The following UGGT2 variants were observed in gnomAD, a reference collection of about 807,000 sequenced individuals.
UGGT2 encodes the protein UDP-glucose:glycoprotein glucosyltransferase 2.
A neutral mutation model predicts 192.1 loss-of-function variants in UGGT2; 180 were observed. The ratio of observed to expected loss-of-function variants is 0.94; its 90% confidence interval spans 0.83 to 1.06. The LOEUF is 1.06. Ranked by LOEUF, UGGT2 falls within the 50% of genes least tolerant of loss-of-function variation. The pLI, the probability that UGGT2 is intolerant of heterozygous loss-of-function variation, is 0.00. For synonymous variants in UGGT2, 580 were observed against 591.0 expected, an observed-to-expected ratio of 0.98 and a Z score of 0.27; for missense variants, 1,849 against 1,795.7, an observed-to-expected ratio of 1.03 and a Z score of -0.54.
chr13:96,031,265 C>A (rs2052826171), intron 2 of UGGT2, among the ~76,000 whole-genome samples: 1 of 151,988 alleles, frequency 6.6e-6, no homozygotes, highest in Non-Finnish European at 1.5e-5. Flanking sequence ...TTACTAGATG[C>A]AAAATTATTA....
At chr13:95,816,547 T>C (rs1357475195) in intron 38 of UGGT2, among the ~76,000 whole-genome samples, 2 of 152,206 alleles carry the variant, frequency 1.3e-5, no homozygotes, top group African/African-American at 4.8e-5. Context: ...TACAATGGAA[T>C]AGCATTCAAG....
chr13:96,032,302 AAATTAT>A (rs2052862013), intron 1 of UGGT2, among the ~76,000 whole-genome samples: 1 of 152,116 alleles, frequency 6.6e-6, no homozygotes, highest in Admixed American at 6.5e-5. Context: ...AGAAATACAA[AAATTAT>A]AATTAAGATA....
chr13:95,863,541 T>TA, intron 31 of UGGT2, 88 bp downstream of exon 31: 1 of 1,010,680 alleles, frequency 9.9e-7, no homozygotes, highest in South Asian at 1.3e-5. Context: ...ACCTTTGCCT[T>TA]ACTTAAATTT....
intron 17 of UGGT2, among the ~76,000 whole-genome samples, chr13:95,934,759 T>C (rs140637590): frequency 4.7e-4 from 71 of 152,322 alleles, no homozygotes; most frequent in African/African-American, 1.3e-3. Context: ...TCCTCTTGGA[T>C]TGACCTTCCA....
intron 12 of UGGT2, among the ~76,000 whole-genome samples, chr13:95,952,583 C>G (rs539877296): frequency 2.6e-5 from 4 of 151,638 alleles, no homozygotes; most frequent in Non-Finnish European, 5.9e-5. Context: ...TATTTTCATT[C>G]CATGGTTAGT....
At position 95,937,070 on chromosome 13, in the gene UGGT2, T is replaced by G; in HGVS notation, c.1831A>C (p.Lys611Gln). 6.3e-7 allele frequency: 1 copy of G among 1,597,908 alleles called. No individual in the cohort carries two copies. The highest frequency in any genetic ancestry group is 8.5e-7 in the Non-Finnish European group (1 of 1,176,494). Residue 611 changes from lysine (K) to glutamine (Q), a missense_variant, in exon 17 of 39, where the codon AAG (lysine) becomes CAG (glutamine). Physicochemically the swap from Lys to Gln is moderately conservative, Grantham distance 53. Coordinates refer to ENST00000376747, the MANE Select transcript of UGGT2 (RefSeq NM_020121.4). ...GGCAAAGGACCCAGGCCAGTCATCT[T>G]ATAAAAGCTTGCTCCAGCCTATTCA... ...EERKAGASFY[K>Q]MTGLGPLPQA...
At chr13:95,929,007 AC>A (rs2049146446) in intron 17 of UGGT2, among the ~76,000 whole-genome samples, 1 of 152,186 alleles carries the variant, frequency 6.6e-6, no homozygotes, top group Non-Finnish European at 1.5e-5. Flanking sequence ...AGCCCGGCCA[AC>A]ACAGCGAAAC....
chr13:96,001,609 C>T (rs2139019486), intron 5 of UGGT2, among the ~76,000 whole-genome samples: 1 of 152,278 alleles, frequency 6.6e-6, no homozygotes, highest in South Asian at 2.1e-4. Context: ...TCCCCAGGGG[C>T]ATGTTAGAAC....
Position 95,903,008 on chromosome 13 carries a change from A to C in UGGT2, c.2348T>G (p.Ile783Arg). The C allele has an allele frequency of 6.2e-7, 1 of 1,613,128 alleles. No individual in the cohort carries two copies. Among genetic ancestry groups the C allele is most frequent in the Non-Finnish European group, 8.5e-7 (1 of 1,179,590 alleles). ...AGAAATAGCTGTGTTCTCTTCATTT[A>C]TTTTTGATGTAGGATTATAAATAAT... ...LGIIYNPTSK[I>R]NEENTAISRG... The change falls in exon 21 of 39, where the codon ATA becomes AGA. Residue 783 changes from isoleucine to arginine, a missense_variant. Ile to Arg is a moderately conservative substitution (Grantham distance 97). Transcript: ENST00000376747.
intron 16 of UGGT2, among the ~76,000 whole-genome samples, chr13:95,938,417 T>C (rs571431581): frequency 2.6e-5 from 4 of 152,288 alleles, no homozygotes; most frequent in Non-Finnish European, 1.5e-5. Flanking sequence ...ACAAATACTC[T>C]AGGAAGCCAA....
At chr13:95,990,710 C>G (rs1392162041) in intron 7 of UGGT2, 1 of 152,064 alleles carries the variant, frequency 6.6e-6, no homozygotes, top group Non-Finnish European at 1.5e-5. Context: ...ACTATCAGCA[C>G]AACTTACAAA....
chr13:95,940,418 T>C (rs951007710), intron 15 of UGGT2, among the ~76,000 whole-genome samples: 3 of 151,526 alleles, frequency 2.0e-5, no homozygotes, highest in Admixed American at 6.6e-5. Context: ...AGAAATGCTT[T>C]CATTTTTTAT....
intron 38 of UGGT2, among the ~76,000 whole-genome samples, chr13:95,803,265 A>C (rs1267166985): frequency 2.0e-5 from 3 of 151,664 alleles, no homozygotes; most frequent in African/African-American, 7.3e-5. Flanking sequence ...TGGTTTATTT[A>C]TTTATTTTTT....
intron 22 of UGGT2, among the ~76,000 whole-genome samples, chr13:95,898,734 T>C (rs1425011301): frequency 6.6e-6 from 1 of 152,120 alleles, no homozygotes. Flanking sequence ...TCTCCTGCCA[T>C]GTAGGAACAT....
At chr13:95,884,373 T>TA in intron 27 of UGGT2, 118 bp downstream of exon 27, 1 of 860,260 alleles carries the variant, frequency 1.2e-6, no homozygotes, top group East Asian at 3.1e-5. Flanking sequence ...CCTAGAATCA[T>TA]AAAAAAGAAT....
intron 17 of UGGT2, among the ~76,000 whole-genome samples, chr13:95,929,485 G>C (rs2049167656): frequency 6.6e-6 from 1 of 152,020 alleles, no homozygotes; most frequent in South Asian, 2.1e-4. Context: ...AGTGTCTCTT[G>C]CTGCCATCTT....
chr13:95,862,640 A>G (rs1424959016), intron 31 of UGGT2, among the ~76,000 whole-genome samples: 2 of 152,184 alleles, frequency 1.3e-5, no homozygotes, highest in African/African-American at 4.8e-5. Context: ...AGTTGGACCC[A>G]TGAGTCAGCC....
intron 12 of UGGT2, among the ~76,000 whole-genome samples, chr13:95,964,897 A>C (rs1323505574): frequency 1.3e-5 from 2 of 152,164 alleles, no homozygotes; most frequent in African/African-American, 4.8e-5. Flanking sequence ...CAAATTTACA[A>C]GAAAAAAACG....
At chr13:95,877,417 AAT>A in intron 28 of UGGT2, 53 bp from the exon 29 acceptor site, 6 of 1,405,408 alleles carry the variant, frequency 4.3e-6, no homozygotes, top group Non-Finnish European at 5.9e-6. Flanking sequence ...AAAACCATCG[AAT>A]TGCTCATGAA....
Sources: allele counts gnomAD v4.1 joint callset (sites outside exome capture counted in the v4.1 genomes callset), GRCh38; gene constraint gnomAD v4.1.1; transcripts MANE v1.5; gene names NCBI Gene and HGNC (gene_info 2026-07-23, HGNC 2026-07-21).